ENTHD1: variants seen among roughly 807,000 people sequenced by gnomAD.
ENTHD1 encodes ENTH domain-containing protein 1.
Under a neutral mutation model 39.1 loss-of-function variants are expected in ENTHD1, and 23 were observed. The ratio of observed to expected loss-of-function variants is 0.59; its 90% CI spans 0.42 to 0.83. The LOEUF is 0.83. Ranked by LOEUF, ENTHD1 falls within the 40% of genes least tolerant of loss-of-function variation. ENTHD1 has a pLI of 0.00. For missense variants in ENTHD1, 624 were observed against 705.4 expected (o/e 0.88, Z 1.31); for synonymous variants, 230 against 258.2 (o/e 0.89, Z 1.05).
chr22:39,817,771 T>C (rs960376845), intron 5 of ENTHD1, among the ~76,000 whole-genome samples: 29 of 152,188 alleles, frequency 1.9e-4, no homozygotes, highest in Admixed American at 4.6e-4. Context: ...TCTGGGAACA[T>C]AGTGAAAGGA....
At chr22:39,875,003 C>T (rs2066275726) in intron 2 of ENTHD1, among the ~76,000 whole-genome samples, 1 of 152,054 alleles carries the variant, frequency 6.6e-6, no homozygotes, top group African/African-American at 2.4e-5. Context: ...CAAAGAGAAC[C>T]GAATGCATAT....
intron 5 of ENTHD1, among the ~76,000 whole-genome samples, chr22:39,805,686 A>C (rs1389022257): frequency 6.6e-6 from 1 of 152,214 alleles, no homozygotes; most frequent in Non-Finnish European, 1.5e-5. Flanking sequence ...GGTCGTTCTC[A>C]AGAGCAAGAG....
chr22:39,862,560 A>AAAAG (rs200912569), intron 2 of ENTHD1, among the ~76,000 whole-genome samples: 1 of 150,992 alleles, frequency 6.6e-6, no homozygotes, highest in Non-Finnish European at 1.5e-5. Flanking sequence ...AAAAAAAAAA[A>AAAAG]AAAGAAAGAA....
chr22:39,879,683 A>C (rs1057212197), intron 2 of ENTHD1, among the ~76,000 whole-genome samples: 3 of 152,112 alleles, frequency 2.0e-5, no homozygotes, highest in African/African-American at 7.2e-5. Flanking sequence ...GTGGGAATGC[A>C]AAATGGGGCT....
rs1316590748 is a variant in ENTHD1 at position 39,744,029 on chromosome 22, C to G, written c.1474G>C (p.Gly492Arg). ...VEENDSLNLLGILPNNSDSAK... is the reference protein window; with the variant it reads ...VEENDSLNLLRILPNNSDSAK... ...GAATCAGAGTTATTTGGAAGAATTC[C>G]CAGTAGATTGAGGCTATCATTTTCC... is the stretch of plus-strand genomic sequence containing the variant. Residue 492 changes from glycine (G) to arginine (R), a missense_variant, in exon 7 of 7, where the codon GGA (glycine) becomes CGA (arginine). Physicochemically the swap from Gly to Arg is moderately radical, Grantham distance 125. Transcript: ENST00000325157. 1.2e-6 allele frequency: 2 copies of G among 1,613,920 alleles called. No individual in the cohort carries two copies. The highest frequency in any genetic ancestry group is 1.7e-6 in the Non-Finnish European group (2 of 1,179,976).
intron 6 of ENTHD1, among the ~76,000 whole-genome samples, chr22:39,757,906 A>G (rs1176062482): frequency 6.6e-6 from 1 of 151,322 alleles, no homozygotes; most frequent in Non-Finnish European, 1.5e-5. Flanking sequence ...TCCTTCATGC[A>G]CTCTCTCTCC....
intron 3 of ENTHD1, among the ~76,000 whole-genome samples, chr22:39,852,180 A>T (rs2066046041): frequency 6.6e-6 from 1 of 151,734 alleles, no homozygotes; most frequent in South Asian, 2.1e-4. Context: ...CAAAAAAAAA[A>T]AACCCAAAAA....
At chr22:39,794,369 GT>G (rs1405537043) in intron 5 of ENTHD1, among the ~76,000 whole-genome samples, 1 of 152,018 alleles carries the variant, frequency 6.6e-6, no homozygotes, top group Non-Finnish European at 1.5e-5. Flanking sequence ...GAGTCTTTAG[GT>G]TTTTCTAAAT....
chr22:39,817,615 G>C (rs2065743651), intron 5 of ENTHD1, among the ~76,000 whole-genome samples: 1 of 152,142 alleles, frequency 6.6e-6, no homozygotes, highest in Non-Finnish European at 1.5e-5. Flanking sequence ...TGGGGTAAGG[G>C]ACAGTCAAGG....
At chr22:39,880,052 ACT>A (rs1009923375) in intron 2 of ENTHD1, among the ~76,000 whole-genome samples, 1 of 152,094 alleles carries the variant, frequency 6.6e-6, no homozygotes. Flanking sequence ...ATGTAGTGAG[ACT>A]CTGTCTCCAC....
chr22:39,784,543 T>C (rs933469657), intron 5 of ENTHD1, among the ~76,000 whole-genome samples: 18 of 142,256 alleles, frequency 1.3e-4, no homozygotes, highest in African/African-American at 1.8e-4. Flanking sequence ...TCTCTCTGTA[T>C]ACACACACAC....
At chr22:39,775,257 G>T (rs540941019) in intron 5 of ENTHD1, among the ~76,000 whole-genome samples, 42 of 152,118 alleles carry the variant, frequency 2.8e-4, no homozygotes, top group African/African-American at 9.6e-4. Flanking sequence ...TCACCTATAG[G>T]GTACTGCAAA....
At chr22:39,829,797 T>TA (rs1322614744) in intron 4 of ENTHD1, among the ~76,000 whole-genome samples, 1 of 148,460 alleles carries the variant, frequency 6.7e-6, no homozygotes, top group Non-Finnish European at 1.5e-5. Flanking sequence ...TCTCAATAAA[T>TA]AAATAAATAA....
At chr22:39,770,809 A>G (rs181089615) in intron 5 of ENTHD1, among the ~76,000 whole-genome samples, 2 of 152,328 alleles carry the variant, frequency 1.3e-5, no homozygotes, top group Admixed American at 1.3e-4. Flanking sequence ...CTTGGATGCA[A>G]GTAAATCAGC....
At chr22:39,856,065 G>A (rs1319524106) in intron 3 of ENTHD1, among the ~76,000 whole-genome samples, 8 of 151,900 alleles carry the variant, frequency 5.3e-5, no homozygotes, top group African/African-American at 1.7e-4. Flanking sequence ...ACCTGAGGTC[G>A]GGAGTTCAAG....
At chr22:39,840,689 C>G (rs999034617) in intron 3 of ENTHD1, among the ~76,000 whole-genome samples, 1 of 151,994 alleles carries the variant, frequency 6.6e-6, no homozygotes, top group Non-Finnish European at 1.5e-5. Context: ...AAATTTATAT[C>G]TAACTTTTAC....
chr22:39,775,774 C>T (rs995191199), intron 5 of ENTHD1, among the ~76,000 whole-genome samples: 1 of 152,282 alleles, frequency 6.6e-6, no homozygotes, highest in South Asian at 2.1e-4. Context: ...TGCCTTCTCC[C>T]AGGAAGATGG....
At chr22:39,750,113 G>A (rs1039020691) in intron 6 of ENTHD1, 1 of 202,584 alleles carries the variant, frequency 4.9e-6, no homozygotes, top group Non-Finnish European at 1.1e-5. Flanking sequence ...TGCTTCATCA[G>A]TGTCTCTCAT....
chr22:39,776,777 C>T (rs577089711), intron 5 of ENTHD1, among the ~76,000 whole-genome samples: 2 of 152,156 alleles, frequency 1.3e-5, no homozygotes, highest in African/African-American at 2.4e-5. Context: ...TTGCAGATGA[C>T]GATGAAATCT....
Sources: allele counts gnomAD v4.1 joint callset (sites outside exome capture counted in the v4.1 genomes callset), GRCh38; gene constraint gnomAD v4.1.1; transcripts MANE v1.5; gene names NCBI Gene and HGNC (gene_info 2026-07-23, HGNC 2026-07-21).